Variants in DNAJC15 observed in about 807,000 individuals in gnomAD.
DNAJC15 encodes the protein dnaJ homolog subfamily C member 15.
DNAJC15 carries 27 observed loss-of-function variants against 22.4 expected under a neutral mutation model. That is an observed-to-expected ratio of 1.20 (90% CI 0.89 to 1.66). The LOEUF is 1.66. Ranked by LOEUF, DNAJC15 falls within the 40% of genes most tolerant of loss-of-function variation. DNAJC15 has a pLI of 0.00. For synonymous variants in DNAJC15, 79 were observed against 63.2 expected, an observed-to-expected ratio of 1.25 and a Z score of -1.19; for missense variants, 208 against 187.1, an observed-to-expected ratio of 1.11 and a Z score of -0.65.
intron 1 of DNAJC15, among the ~76,000 whole-genome samples, chr13:43,048,558 A>G (rs1593313867): frequency 6.6e-6 from 1 of 152,236 alleles, no homozygotes; most frequent in East Asian, 1.9e-4. Flanking sequence ...TGTTTTTTGA[A>G]TATATATCAT....
chr13:43,064,246 A>G (rs1291511299), intron 1 of DNAJC15, among the ~76,000 whole-genome samples: 1 of 152,214 alleles, frequency 6.6e-6, no homozygotes, highest in Non-Finnish European at 1.5e-5. Flanking sequence ...TTAAAGTTAG[A>G]ACACCTTCAT....
chr13:43,043,014 C>T (rs534447299), intron 1 of DNAJC15, among the ~76,000 whole-genome samples: 1 of 152,302 alleles, frequency 6.6e-6, no homozygotes, highest in African/African-American at 2.4e-5. Context: ...TGCAAGTGCT[C>T]TCCAGGCTGT....
Position 43,112,002 on chromosome 13 carries a change from A to G in DNAJC15, c.*4754A>G, listed in dbSNP as rs1196648575. On this transcript the variant is annotated 3_prime_UTR_variant, in exon 6 of 6. Coordinates refer to ENST00000379221, the MANE Select transcript of DNAJC15 (RefSeq NM_013238.3). The stretch of plus-strand genomic sequence containing the variant: ...AAAGTTGAGAAGGTTCTCTGGACTC[A>G]TTTTTATAGGTGGAACCTAAGTGAT... The G allele has an allele frequency of 6.6e-6, 1 of 152,224 alleles. No individual in the cohort carries two copies. Among genetic ancestry groups the G allele is most frequent in the Non-Finnish European group, 1.5e-5 (1 of 68,044 alleles). 9.4% of individuals were successfully genotyped at this position (152,224 alleles called of 1,614,324 possible). A position where few individuals can be genotyped will look rare whatever the true frequency, so the allele number is the denominator to read the frequency against.
At chr13:43,065,882 C>T (rs2040581270) in intron 2 of DNAJC15, 145 bp downstream of exon 2, 6 of 680,648 alleles carry the variant, frequency 8.8e-6, no homozygotes, top group East Asian at 2.6e-5. Flanking sequence ...TTTGTAGTTA[C>T]TGAACATTTG....
chr13:43,102,574 A>C (rs1218229033), intron 5 of DNAJC15, among the ~76,000 whole-genome samples: 1 of 152,154 alleles, frequency 6.6e-6, no homozygotes. Context: ...TAGCCATTGC[A>C]CTGCAGCCTG....
At chr13:43,027,993 G>A (rs9533353) in intron 1 of DNAJC15, among the ~76,000 whole-genome samples, 45,780 of 151,820 alleles carry the variant, frequency 0.3, 6,949 homozygotes, top group African/African-American at 0.36. Flanking sequence ...ACACCATAAT[G>A]GGAGGCTAGA....
chr13:43,025,345 G>C (rs2040375890), intron 1 of DNAJC15, among the ~76,000 whole-genome samples: 1 of 152,084 alleles, frequency 6.6e-6, no homozygotes, highest in Admixed American at 6.5e-5. Flanking sequence ...AACTAATATT[G>C]GTGACTTTTA....
At chr13:43,055,416 G>A (rs2040525583) in intron 1 of DNAJC15, among the ~76,000 whole-genome samples, 1 of 152,006 alleles carries the variant, frequency 6.6e-6, no homozygotes, top group Admixed American at 6.6e-5. Flanking sequence ...CAACTCACTC[G>A]GGACCCATCT....
chr13:43,089,747 G>A (rs1254648331), intron 5 of DNAJC15, among the ~76,000 whole-genome samples: 1 of 152,208 alleles, frequency 6.6e-6, no homozygotes, highest in Admixed American at 6.5e-5. Flanking sequence ...CTTTTAAACA[G>A]TAGAGTGATA....
intron 5 of DNAJC15, among the ~76,000 whole-genome samples, chr13:43,105,704 G>A (rs2153442443): frequency 1.3e-5 from 2 of 152,242 alleles, no homozygotes; most frequent in South Asian, 4.2e-4. Context: ...TAAAGGTTAT[G>A]TTTAAGTTCA....
chr13:43,035,794 C>T (rs976541334), intron 1 of DNAJC15, among the ~76,000 whole-genome samples: 1 of 152,084 alleles, frequency 6.6e-6, no homozygotes, highest in Admixed American at 6.5e-5. Context: ...GATCATAGCT[C>T]ACTGCAGTCT....
chr13:43,031,479 G>C (rs2040403718), intron 1 of DNAJC15, among the ~76,000 whole-genome samples: 1 of 152,216 alleles, frequency 6.6e-6, no homozygotes, highest in Admixed American at 6.5e-5. Flanking sequence ...CAGCAGCGGA[G>C]ATCCTGTAGA....
At chr13:43,084,860 TAA>T in intron 4 of DNAJC15, among the ~76,000 whole-genome samples, 1 of 152,216 alleles carries the variant, frequency 6.6e-6, no homozygotes, top group Non-Finnish European at 1.5e-5. Context: ...CTATGAGACA[TAA>T]AGAGTTTTGA....
At chr13:43,070,757 A>G (rs1055393370) in intron 3 of DNAJC15, among the ~76,000 whole-genome samples, 15 of 152,156 alleles carry the variant, frequency 9.9e-5, no homozygotes, top group African/African-American at 1.4e-4. Flanking sequence ...CTTAGGGCCT[A>G]ATAGACAATG....
intron 1 of DNAJC15, among the ~76,000 whole-genome samples, chr13:43,064,356 C>T (rs961556393): frequency 6.6e-6 from 1 of 152,212 alleles, no homozygotes; most frequent in African/African-American, 2.4e-5. Flanking sequence ...CCCTACAGAA[C>T]TTGAATGCCA....
rs199640403 is a variant in DNAJC15 at position 43,107,245 on chromosome 13, T to C, written c.450T>C (p.His150=). The C allele has an allele frequency of 7.5e-5, 119 of 1,588,232 alleles. No individual in the cohort carries two copies. In the East Asian group the frequency reaches 1.0e-3, roughly 14 times the overall value. Reference sequence around the variant, plus strand: ...ACTTGCTAGAAACAACCACCAAACATTGATGCTTAAGGACCACACTGAAGG... The same window carrying C: ...ACTTGCTAGAAACAACCACCAAACACTGATGCTTAAGGACCACACTGAAGG... ...AKDLLETTTK[H] Residue 150 remains histidine (H), a synonymous_variant, in exon 6 of 6, where the codon CAT becomes CAC. Coordinates refer to ENST00000379221, the MANE Select transcript of DNAJC15 (RefSeq NM_013238.3).
At chr13:43,068,613 T>C (rs908106841) in intron 2 of DNAJC15, among the ~76,000 whole-genome samples, 1 of 152,024 alleles carries the variant, frequency 6.6e-6, no homozygotes, top group African/African-American at 2.4e-5. Context: ...TAAAGAATAC[T>C]AGGATGTTAT....
Position 43,107,515 on chromosome 13 carries a change from A to G in DNAJC15, c.*267A>G. The G allele has an allele frequency of 5.8e-6, 1 of 173,710 alleles. No individual in the cohort carries two copies. 10.8% of individuals were successfully genotyped at this position (173,710 alleles called of 1,614,324 possible). A position where few individuals can be genotyped will look rare whatever the true frequency, so the allele number is the denominator to read the frequency against. ...TTTTAAGATTTTTGTTATGTTCTGA[A>G]TTCCCCCCTACACACACACACACAC... On this transcript the variant is annotated 3_prime_UTR_variant, in exon 6 of 6. Transcript: ENST00000379221.
At position 43,109,210 on chromosome 13, in the gene DNAJC15, CTA is replaced by C. The variant is rs2040813218; in HGVS notation, c.*1965_*1966del. 1 of 152,170 alleles carries C rather than the reference CTA, an allele frequency of 6.6e-6. No homozygotes were observed. Among genetic ancestry groups the C allele is most frequent in the Admixed American group, 6.5e-5 (1 of 15,280 alleles). The allele number at this position is 152,170 out of a possible 1,614,324, so 9.4% of individuals were successfully genotyped here. ...ACTTTATTCTTCACATGGTACATAA[CTA>C]TAGGGGCTATAGCTTGGTACCTTGT... On this transcript the variant is annotated 3_prime_UTR_variant, in exon 6 of 6. Coordinates refer to ENST00000379221, the MANE Select transcript of DNAJC15 (RefSeq NM_013238.3).
Sources: allele counts gnomAD v4.1 joint callset (sites outside exome capture counted in the v4.1 genomes callset), GRCh38; gene constraint gnomAD v4.1.1; transcripts MANE v1.5; gene names NCBI Gene and HGNC (gene_info 2026-07-23, HGNC 2026-07-21).